The following CAST variants were observed in gnomAD, a reference collection of about 807,000 sequenced individuals.
CAST encodes the protein MIR583 host.
CAST carries 76 observed loss-of-function variants against 119.6 expected under a neutral mutation model. The observed-to-expected ratio is 0.64, with a 90% CI of 0.53 to 0.77. The LOEUF is 0.77. Ranked by LOEUF, CAST falls within the 30% of genes least tolerant of loss-of-function variation. The pLI, the probability that CAST is intolerant of heterozygous loss-of-function variation, is 0.00. For missense variants in CAST, 953 were observed against 946.5 expected (o/e 1.01, Z -0.09); for synonymous variants, 319 against 331.6 (o/e 0.96, Z 0.41).
chr5:96,452,975 A>G, the CAST span, among the ~76,000 whole-genome samples: 41 of 149,162 alleles, frequency 2.7e-4, 2 homozygotes, highest in African/African-American at 8.8e-4. Flanking sequence ...AAAAAAAAAA[A>G]ACAGAAGAAA....
chr5:95,999,602 C>T, the CAST span, among the ~76,000 whole-genome samples: 13 of 152,196 alleles, frequency 8.5e-5, no homozygotes, highest in African/African-American at 2.4e-4. Flanking sequence ...TCTTGGTCTC[C>T]CAAAGTGCTG....
the CAST span, among the ~76,000 whole-genome samples, chr5:96,016,106 T>C: frequency 6.6e-6 from 1 of 152,246 alleles, no homozygotes; most frequent in African/African-American, 2.4e-5. Flanking sequence ...AAATTCTGCC[T>C]ATGGACTGCA....
the CAST span, among the ~76,000 whole-genome samples, chr5:96,482,562 C>G: frequency 6.6e-5 from 10 of 151,680 alleles, no homozygotes; most frequent in Non-Finnish European, 1.2e-4. Context: ...CTCATAACCC[C>G]CAGAATTCTA....
At chr5:96,110,234 C>A in the CAST span, among the ~76,000 whole-genome samples, 1 of 152,074 alleles carries the variant, frequency 6.6e-6, no homozygotes, top group Non-Finnish European at 1.5e-5. Flanking sequence ...GTTTTATCAT[C>A]AGGTTTTTTC....
chr5:96,743,659 G>A, intron 16 of CAST: 1 of 1,613,480 alleles, frequency 6.2e-7, no homozygotes, highest in Non-Finnish European at 8.5e-7. Flanking sequence ...CTTTCTTGGA[G>A]GGCTCACCGG....
chr5:96,222,498 G>A, the CAST span, among the ~76,000 whole-genome samples: 3 of 152,020 alleles, frequency 2.0e-5, no homozygotes, highest in South Asian at 2.1e-4. Context: ...TGGCCAACAG[G>A]TATACGACAA....
chr5:96,752,670 T>C (rs1434243415), intron 20 of CAST, among the ~76,000 whole-genome samples: 4 of 150,820 alleles, frequency 2.7e-5, no homozygotes, highest in African/African-American at 9.8e-5. Context: ...TGGTGATCTT[T>C]CCTTTTGCAG....
intron 3 of CAST, among the ~76,000 whole-genome samples, chr5:96,717,838 C>G (rs1276891561): frequency 6.6e-6 from 1 of 152,114 alleles, no homozygotes; most frequent in African/African-American, 2.4e-5. Context: ...TTGTCTAGGA[C>G]TTATTGATAT....
the CAST span, among the ~76,000 whole-genome samples, chr5:96,207,393 A>T: frequency 6.6e-6 from 1 of 152,032 alleles, no homozygotes; most frequent in African/African-American, 2.4e-5. Context: ...GTCAAGGGGA[A>T]TACTTCCAGC....
At chr5:96,136,076 C>G in the CAST span, among the ~76,000 whole-genome samples, 10 of 152,250 alleles carry the variant, frequency 6.6e-5, no homozygotes, top group Non-Finnish European at 1.3e-4. Flanking sequence ...TGCTCAACCT[C>G]TTTTTGAGGG....
chr5:96,017,631 G>A, the CAST span, among the ~76,000 whole-genome samples: 1 of 152,098 alleles, frequency 6.6e-6, no homozygotes, highest in African/African-American at 2.4e-5. Flanking sequence ...TCATTATCAA[G>A]AGTCAGTAAA....
At chr5:96,109,431 CT>C in the CAST span, among the ~76,000 whole-genome samples, 1 of 152,098 alleles carries the variant, frequency 6.6e-6, no homozygotes, top group African/African-American at 2.4e-5. Flanking sequence ...ACAATTTTTT[CT>C]TTGTAATCTG....
the CAST span, among the ~76,000 whole-genome samples, chr5:96,136,731 C>T: frequency 6.6e-6 from 1 of 152,204 alleles, no homozygotes; most frequent in African/African-American, 2.4e-5. Context: ...TCCTCTTGCT[C>T]ATCTGTAATC....
At chr5:96,621,567 A>G (rs1747605581) in intron 1 of CAST, among the ~76,000 whole-genome samples, 1 of 152,182 alleles carries the variant, frequency 6.6e-6, no homozygotes, top group Non-Finnish European at 1.5e-5. Context: ...TTACAAAACC[A>G]TCAGATTTTA....
the CAST span, among the ~76,000 whole-genome samples, chr5:95,994,236 A>G: frequency 6.6e-6 from 1 of 152,192 alleles, no homozygotes; most frequent in South Asian, 2.1e-4. Flanking sequence ...TAACCACATT[A>G]CTTGTAATGG....
At chr5:96,545,952 C>G (rs191836359) in intron 1 of CAST, among the ~76,000 whole-genome samples, 1 of 152,324 alleles carries the variant, frequency 6.6e-6, no homozygotes, top group East Asian at 1.9e-4. Flanking sequence ...GTTTCTCAAC[C>G]TTGTTCCTTC....
At chr5:96,342,490 C>T in the CAST span, among the ~76,000 whole-genome samples, 1 of 152,184 alleles carries the variant, frequency 6.6e-6, no homozygotes, top group East Asian at 1.9e-4. Flanking sequence ...CTGGAAGCCA[C>T]TCTTGGAGAA....
chr5:96,545,165 G>A (rs1391914371), intron 1 of CAST: 1 of 152,148 alleles, frequency 6.6e-6, no homozygotes, highest in Non-Finnish European at 1.5e-5. Context: ...CCAATGTCTA[G>A]AAAACCATTG....
chr5:96,770,509 C>G, intron 29 of CAST, 22 bp from the exon 30 acceptor site: 1 of 1,554,420 alleles, frequency 6.4e-7, no homozygotes, highest in Non-Finnish European at 8.9e-7. Context: ...GCCATAGCCT[C>G]ATTACATTTC....
Sources: gnomAD v4.1 joint callset for allele counts (sites outside exome capture counted in the v4.1 genomes callset) on GRCh38, gnomAD v4.1.1 for gene constraint, MANE v1.5 for transcripts, NCBI Gene and HGNC (gene_info 2026-07-23, HGNC 2026-07-21) for gene names.